CNOT9: variants seen among roughly 807,000 people sequenced by gnomAD.
The protein encoded by CNOT9 is CCR4-NOT transcription complex subunit 9.
CNOT9 carries 8 observed loss-of-function variants against 37.4 expected under a neutral mutation model. The ratio of observed to expected loss-of-function variants is 0.21; its 90% CI spans 0.13 to 0.39. The LOEUF is 0.39. Among genes scored for constraint, CNOT9 ranks in the 10% least tolerant of loss-of-function variants. The pLI is 1.00. For synonymous variants in CNOT9, 120 were observed against 137.6 expected, an observed-to-expected ratio of 0.87 and a Z score of 0.90; for missense variants, 154 against 365.3, an observed-to-expected ratio of 0.42 and a Z score of 4.71.
intron 5 of CNOT9, among the ~76,000 whole-genome samples, chr2:218,588,588 CTTTTTTTTTTTT>C (rs1172484260): frequency 1.2e-4 from 4 of 33,454 alleles, no homozygotes; most frequent in African/African-American, 2.7e-4. Flanking sequence ...TCCACCCGGC[CTTTTTTTTTTTT>C]TTTTTTTTTT....
At chr2:218,588,531 C>T (rs1342519109) in intron 5 of CNOT9, among the ~76,000 whole-genome samples, 1 of 149,176 alleles carries the variant, frequency 6.7e-6, no homozygotes, top group South Asian at 2.1e-4. Flanking sequence ...TCAGGTGATC[C>T]GTCCGCCTCA....
intron 3 of CNOT9, among the ~76,000 whole-genome samples, chr2:218,583,845 T>G (rs1694498360): frequency 6.6e-6 from 1 of 152,220 alleles, no homozygotes. Flanking sequence ...CTACAAGGTG[T>G]AACTATAAAT....
At position 218,592,781 on chromosome 2, in the gene CNOT9, T is replaced by C. The variant is rs1387279517; in HGVS notation, c.731+74T>C. On this transcript the variant is annotated intron_variant, in intron 7 of 7. Transcript: ENST00000273064. The surrounding 1 kb of genome is among the most constrained non-coding windows in gnomAD (Gnocchi z 4.1). ...CAGTTTCCTAATCTCATGGCATAGC[T>C]CCTGTGTCTTTAGGACAGGGAAGTG... 4 of 1,184,930 alleles carry C rather than the reference T, an allele frequency of 3.4e-6. No homozygotes were observed. The highest frequency in any genetic ancestry group is 3.8e-6 in the Non-Finnish European group (3 of 792,162). 73.4% of individuals were successfully genotyped at this position (1,184,930 alleles called of 1,614,324 possible).
chr2:218,591,613 G>A lies in CNOT9; in HGVS notation c.541-691G>A, dbSNP rs574199351. 1.2e-3 allele frequency among the ~76,000 whole-genome samples: 189 copies of A among 152,092 alleles called. 1 individual carries two copies. The South Asian group carries it at 0.018, about 14-fold the overall frequency. On this transcript the variant is annotated intron_variant, in intron 5 of 7. Transcript: ENST00000273064. ...CCAAAATTAGCCAGGCATGGTGGCA[G>A]GAGCCTGTAATCCTAGCTACTCGGG...
At position 218,594,411 on chromosome 2, in the gene CNOT9, A is replaced by G; in HGVS notation, c.*135A>G. 5 of 1,008,194 alleles carry G rather than the reference A, an allele frequency of 5.0e-6. No homozygotes were observed. Among genetic ancestry groups the G allele is most frequent in the Non-Finnish European group, 7.2e-6 (5 of 698,542 alleles). 62.5% of individuals were successfully genotyped at this position (1,008,194 alleles called of 1,614,324 possible). A position where few individuals can be genotyped will look rare whatever the true frequency, so the allele number is the denominator to read the frequency against. On this transcript the variant is annotated 3_prime_UTR_variant, in exon 8 of 8. Transcript: ENST00000273064. ...TGAACCGCACTGGAGAAAAGGGGCA[A>G]GGTACCCCTGCTGAGGTGTATGGGC...
chr2:218,584,764 T>C, intron 4 of CNOT9, 43 bp downstream of exon 4: 3 of 1,355,974 alleles, frequency 2.2e-6, no homozygotes, highest in Non-Finnish European at 3.2e-6. Context: ...ATACTCACAG[T>C]AGTAGTCTAA....
chr2:218,576,966 C>CAA (rs34234485), intron 1 of CNOT9, among the ~76,000 whole-genome samples: 2,297 of 136,888 alleles, frequency 0.017, 27 homozygotes, highest in Non-Finnish European at 0.025. Context: ...GGCTCCATCT[C>CAA]AAAAAAAAAA....
chr2:218,588,588 C>CTTTTTTTTTT lies in CNOT9; in HGVS notation c.540+910_540+919dup, dbSNP rs1172484260. Reference sequence around the variant, plus strand: ...ACAGTCATGAGCCACTCCACCCGGCCTTTTTTTTTTTTTTTTTTTTTTTTT... The same window carrying CTTTTTTTTTT: ...ACAGTCATGAGCCACTCCACCCGGCCTTTTTTTTTTTTTTTTTTTTTTTTTTTTTTTTTTT... On this transcript the variant is annotated intron_variant, in intron 5 of 7. Coordinates refer to ENST00000273064, the MANE Select transcript of CNOT9 (RefSeq NM_005444.3). 8.4e-4 allele frequency among the ~76,000 whole-genome samples: 28 copies of CTTTTTTTTTT among 33,452 alleles called. 9 individuals are homozygous for CTTTTTTTTTT. The highest frequency in any genetic ancestry group is 4.2e-3 in the South Asian group (2 of 472). The allele number at this position is 33,452 out of a possible 152,430, so 21.9% of individuals were successfully genotyped here. A position where few individuals can be genotyped will look rare whatever the true frequency, so the allele number is the denominator to read the frequency against.
chr2:218,568,854 G>T lies in CNOT9; in HGVS notation c.-101G>T. On this transcript the variant is annotated 5_prime_UTR_variant, in exon 1 of 8. An upstream start codon of the reference 5' UTR is lost. Transcript: ENST00000273064. Reference sequence around the variant, plus strand: ...TGGGCGGAGCGAGCCGGAGTCGGATGGCGGCTACGGCGGCTCATTGTTTTC... The same window carrying T: ...TGGGCGGAGCGAGCCGGAGTCGGATTGCGGCTACGGCGGCTCATTGTTTTC... 1 of 1,363,112 alleles carries T rather than the reference G, an allele frequency of 7.3e-7. No individual in the cohort carries two copies. The highest frequency in any genetic ancestry group is 1.0e-6 in the Non-Finnish European group (1 of 984,736). The allele number at this position is 1,363,112 out of a possible 1,614,324, so 84.4% of individuals were successfully genotyped here.
chr2:218,584,531 A>G (rs1214806584), intron 3 of CNOT9, 81 bp from the exon 4 acceptor site: 1 of 998,464 alleles, frequency 1.0e-6, no homozygotes, highest in East Asian at 2.4e-5. Flanking sequence ...GCCTTACAGA[A>G]TTAACCACCT....
Position 218,594,288 on chromosome 2 carries a change from T to G in CNOT9, c.*12T>G, listed in dbSNP as rs1342016380. 1 of 1,595,514 alleles carries G rather than the reference T, an allele frequency of 6.3e-7. No homozygotes were observed. Among genetic ancestry groups the G allele is most frequent in the African/African-American group, 1.3e-5 (1 of 74,420 alleles). On this transcript the variant is annotated 3_prime_UTR_variant, in exon 8 of 8. Transcript: ENST00000273064. ...TGCCCCCTCAGTGATCCTTCCCTGT[T>G]CCCTCCCACTACTCCCCCAAGTTGG... is the stretch of plus-strand genomic sequence containing the variant.
intron 1 of CNOT9, among the ~76,000 whole-genome samples, chr2:218,575,688 C>G (rs974333585): frequency 2.0e-5 from 3 of 152,156 alleles, no homozygotes; most frequent in Non-Finnish European, 4.4e-5. Flanking sequence ...CAGGCGTGAG[C>G]CACCGTGCCG....
chr2:218,574,580 T>C (rs1248859211), intron 1 of CNOT9, among the ~76,000 whole-genome samples: 2 of 152,200 alleles, frequency 1.3e-5, no homozygotes, highest in East Asian at 3.8e-4. Context: ...AGAGTTTCAG[T>C]CTCATTCTGC....
chr2:218,577,594 A>G (rs1319426812), intron 1 of CNOT9, among the ~76,000 whole-genome samples: 1 of 152,170 alleles, frequency 6.6e-6, no homozygotes, highest in Non-Finnish European at 1.5e-5. Context: ...TGCCTACACC[A>G]CTGCCAGCAG....
At position 218,587,592 on chromosome 2, in the gene CNOT9, T is replaced by C; in HGVS notation, c.437T>C (p.Leu146Pro). The C allele has an allele frequency of 1.3e-6, 2 of 1,590,676 alleles. No individual in the cohort carries two copies. Among genetic ancestry groups the C allele is most frequent in the South Asian group, 1.2e-5 (1 of 86,052 alleles). The change falls in exon 5 of 8, where the codon CTG (leucine) becomes CCG (proline). Residue 146 changes from leucine to proline, a missense_variant. Leu to Pro is a moderately conservative substitution (Grantham distance 98, BLOSUM62 -3). Coordinates refer to ENST00000273064, the MANE Select transcript of CNOT9 (RefSeq NM_005444.3). The part of the protein sequence containing the change: ...RLTSLGVIGA[L>P]VKTDEQEVIN... ...TTGTCCTTATTTTCTTTAGGGGCCCTGGTGAAAACAGATGAACAAGAAGTA... is the reference window on the plus strand; with the variant it reads ...TTGTCCTTATTTTCTTTAGGGGCCCCGGTGAAAACAGATGAACAAGAAGTA...
chr2:218,571,246 A>G (rs1246404535), intron 1 of CNOT9, among the ~76,000 whole-genome samples: 2 of 152,134 alleles, frequency 1.3e-5, no homozygotes, highest in Non-Finnish European at 2.9e-5. Flanking sequence ...AGCTAGGGAG[A>G]TAACAAAGTA....
intron 4 of CNOT9, among the ~76,000 whole-genome samples, chr2:218,585,155 C>T (rs757694734): frequency 6.6e-6 from 1 of 152,064 alleles, no homozygotes; most frequent in Non-Finnish European, 1.5e-5. Flanking sequence ...CTCCTAGGCT[C>T]AAGTGATCCT....
At chr2:218,589,914 T>C (rs1234965341) in intron 5 of CNOT9, among the ~76,000 whole-genome samples, 2 of 152,234 alleles carry the variant, frequency 1.3e-5, no homozygotes, top group African/African-American at 4.8e-5. Flanking sequence ...GTATGTTGAT[T>C]ATGTGAAGTT....
chr2:218,585,599 G>T, intron 4 of CNOT9, among the ~76,000 whole-genome samples: 1 of 150,366 alleles, frequency 6.7e-6, no homozygotes. Context: ...AAATTTCCAT[G>T]TACTAGCAAT....
Sources: gnomAD v4.1 joint callset for allele counts (sites outside exome capture counted in the v4.1 genomes callset) on GRCh38, gnomAD v4.1.1 for gene constraint, Gnocchi (gnomAD v3.1) non-coding constraint, MANE v1.5 for transcripts, NCBI Gene and HGNC (gene_info 2026-07-23, HGNC 2026-07-21) for gene names.